NDUFAF7: variants seen among roughly 807,000 people sequenced by gnomAD.
The protein encoded by NDUFAF7 is protein arginine methyltransferase NDUFAF7, mitochondrial.
In NDUFAF7, 48 loss-of-function variants were observed where a neutral mutation model predicts 47.2. That is an observed-to-expected ratio of 1.02 (90% CI 0.81 to 1.29). NDUFAF7 has a LOEUF of 1.29. Ranked by LOEUF, NDUFAF7 falls within the 50% of genes most tolerant of loss-of-function variation. NDUFAF7 has a pLI of 0.00. For synonymous variants in NDUFAF7, 217 were observed against 190.0 expected, an observed-to-expected ratio of 1.14 and a Z score of -1.17; for missense variants, 635 against 537.6, an observed-to-expected ratio of 1.18 and a Z score of -1.79.
At chr2:37,236,991 C>T (rs1284010373) in intron 3 of NDUFAF7, among the ~76,000 whole-genome samples, 2 of 151,910 alleles carry the variant, frequency 1.3e-5, no homozygotes, top group Non-Finnish European at 2.9e-5. Flanking sequence ...ATTTTTTGAG[C>T]CAGGGTTTTG....
rs2148429001 is a variant in NDUFAF7 at position 37,243,984 on chromosome 2, G to A, written c.792+11G>A. On this transcript the variant is annotated intron_variant, in intron 7 of 9. Coordinates refer to ENST00000002125, the MANE Select transcript of NDUFAF7 (RefSeq NM_144736.5). ...GAAGCCTTCATACAAGTAAGAATATGCTTTTTTAAGTTTCTTTTATTGCTC... is the reference window on the plus strand; with the variant it reads ...GAAGCCTTCATACAAGTAAGAATATACTTTTTTAAGTTTCTTTTATTGCTC... 1 of 1,579,212 alleles carries A rather than the reference G, an allele frequency of 6.3e-7. No individual in the cohort carries two copies. The highest frequency in any genetic ancestry group is 8.7e-7 in the Non-Finnish European group (1 of 1,149,804).
At chr2:37,236,497 C>A (rs1280770946) in intron 3 of NDUFAF7, among the ~76,000 whole-genome samples, 2 of 151,806 alleles carry the variant, frequency 1.3e-5, no homozygotes, top group Non-Finnish European at 2.9e-5. Flanking sequence ...GAAGAAGGGG[C>A]CAGGCGTAGT....
chr2:37,247,397 G>C, intron 8 of NDUFAF7, 59 bp from the exon 9 acceptor site: 1 of 1,561,582 alleles, frequency 6.4e-7, no homozygotes, highest in East Asian at 2.2e-5. Context: ...TAATATGATA[G>C]CATTTCTTTA....
chr2:37,270,059 C>G, the NDUFAF7 span, among the ~76,000 whole-genome samples: 1 of 152,048 alleles, frequency 6.6e-6, no homozygotes, highest in Non-Finnish European at 1.5e-5. Context: ...GAAACCCCAT[C>G]TCTACTAAAA....
rs1006578546 is a variant in NDUFAF7 at position 37,248,849 on chromosome 2, G to C, written c.*499G>C. ...GAATCACTTGAACCTGGGAGGTGGA[G>C]GTTGCGGTGAGCTGAGATCGTGCCA... On this transcript the variant is annotated 3_prime_UTR_variant, in exon 10 of 10. Transcript: ENST00000002125. 1.1e-4 allele frequency: 19 copies of C among 169,094 alleles called. No individual in the cohort carries two copies. In the East Asian group the frequency reaches 3.0e-3, roughly 27 times the overall value. 10.5% of individuals were successfully genotyped at this position (169,094 alleles called of 1,614,324 possible).
intron 7 of NDUFAF7, 77 bp downstream of exon 7, chr2:37,244,050 G>A: frequency 8.2e-7 from 1 of 1,219,590 alleles, no homozygotes; most frequent in Non-Finnish European, 1.2e-6. Flanking sequence ...TACTACTTTA[G>A]AGTTTTAGAG....
chr2:37,250,475 A>T (rs1356770185), downstream of NDUFAF7: 2 of 152,202 alleles, frequency 1.3e-5, no homozygotes, highest in East Asian at 3.8e-4. Flanking sequence ...TTTACAAGAA[A>T]TGAGACCTCC....
At chr2:37,240,008 T>TA (rs1558496380) in intron 4 of NDUFAF7, among the ~76,000 whole-genome samples, 1 of 152,200 alleles carries the variant, frequency 6.6e-6, no homozygotes, top group Non-Finnish European at 1.5e-5. Context: ...ATGAAAACAT[T>TA]AAAAAGGAGG....
chr2:37,236,144 A>C lies in NDUFAF7; in HGVS notation c.265A>C (p.Thr89Pro). 2 of 1,613,122 alleles carry C rather than the reference A, an allele frequency of 1.2e-6. No homozygotes were observed. The highest frequency in any genetic ancestry group is 1.7e-6 in the Non-Finnish European group (2 of 1,179,156). Residue 89 changes from threonine to proline, a missense_variant, in exon 3 of 10, where the codon ACT becomes CCT. Coordinates refer to ENST00000002125, the MANE Select transcript of NDUFAF7 (RefSeq NM_144736.5). ...GCTAGGCGAAAAAGGAGATTTCATT[A>C]CTTCACCTGAAATAAGTCAAATCTT... ...DMLGEKGDFITSPEISQIFGE... is the reference protein window; with the variant it reads ...DMLGEKGDFIPSPEISQIFGE...
chr2:37,259,683 T>C, the NDUFAF7 span: 1 of 1,599,224 alleles, frequency 6.3e-7, no homozygotes. Flanking sequence ...AACAAGTATC[T>C]GTTATGAAAA....
intron 7 of NDUFAF7, among the ~76,000 whole-genome samples, chr2:37,244,648 A>G (rs1666722594): frequency 6.6e-6 from 1 of 152,082 alleles, no homozygotes; most frequent in Admixed American, 6.5e-5. Context: ...TTTCCAGCTC[A>G]GAAGATGATT....
downstream of NDUFAF7, among the ~76,000 whole-genome samples, chr2:37,257,783 G>C (rs976485787): frequency 1.3e-5 from 2 of 151,516 alleles, no homozygotes; most frequent in African/African-American, 2.4e-5. Flanking sequence ...AAATAAAACT[G>C]AGGTGTATTA....
At chr2:37,258,478 G>A in the NDUFAF7 span, among the ~76,000 whole-genome samples, 12 of 152,330 alleles carry the variant, frequency 7.9e-5, no homozygotes, top group East Asian at 1.9e-4. Context: ...CATAAAAAGC[G>A]TATCAAGTAA....
intron 7 of NDUFAF7, among the ~76,000 whole-genome samples, chr2:37,244,184 TG>T (rs1013944686): frequency 6.6e-6 from 1 of 152,198 alleles, no homozygotes; most frequent in Non-Finnish European, 1.5e-5. Context: ...CTTAACGTCA[TG>T]TAGTAAGAGA....
At chr2:37,235,747 G>A (rs1032994309) in intron 2 of NDUFAF7, among the ~76,000 whole-genome samples, 7 of 151,806 alleles carry the variant, frequency 4.6e-5, no homozygotes, top group South Asian at 2.1e-4. Flanking sequence ...CTCTGCCTCC[G>A]AGGTTCACGC....
the NDUFAF7 span, chr2:37,269,452 A>T: frequency 8.5e-5 from 53 of 621,828 alleles, no homozygotes; most frequent in Non-Finnish European, 1.5e-4. Flanking sequence ...AGGGAAGAAT[A>T]CTCAAATTAC....
chr2:37,268,247 C>A, the NDUFAF7 span: 1 of 460,042 alleles, frequency 2.2e-6, no homozygotes, highest in Non-Finnish European at 4.5e-6. Flanking sequence ...AATCGTAAGT[C>A]TACTTGAAAA....
intron 7 of NDUFAF7, among the ~76,000 whole-genome samples, chr2:37,244,599 G>A (rs559798605): frequency 1.3e-5 from 2 of 152,058 alleles, no homozygotes; most frequent in Admixed American, 1.3e-4. Flanking sequence ...TCTCAGGAAC[G>A]TCCAGGCTTC....
Position 37,242,697 on chromosome 2 carries a change from T to C in NDUFAF7, c.681+4T>C. The C allele has an allele frequency of 6.3e-7, 1 of 1,590,504 alleles. No homozygotes were observed. Among genetic ancestry groups the C allele is most frequent in the Non-Finnish European group, 8.6e-7 (1 of 1,158,820 alleles). ...TCTTCCTGTGCATAAATTTCAGGTA[T>C]TGAGGGGGGAAAAAAGTCATGTCTA... On this transcript the variant is annotated splice_donor_region_variant and intron_variant, in intron 6 of 9. Coordinates refer to ENST00000002125, the MANE Select transcript of NDUFAF7 (RefSeq NM_144736.5).
Sources: allele counts gnomAD v4.1 joint callset (sites outside exome capture counted in the v4.1 genomes callset), GRCh38; gene constraint gnomAD v4.1.1; transcripts MANE v1.5; gene names NCBI Gene and HGNC (gene_info 2026-07-23, HGNC 2026-07-21).